The following PDXK variants were observed in gnomAD, a reference collection of about 807,000 sequenced individuals.
The protein encoded by PDXK is pyridoxal kinase.
A neutral mutation model predicts 43.2 loss-of-function variants in PDXK; 15 were observed. The observed-to-expected ratio is 0.35, with a 90% confidence interval of 0.23 to 0.53. PDXK has a LOEUF of 0.53. PDXK is among the 20% of genes least tolerant of loss of function. PDXK has a pLI of 0.92. For synonymous variants in PDXK, 172 were observed against 165.4 expected, an observed-to-expected ratio of 1.04 and a Z score of -0.31; for missense variants, 343 against 417.0, an observed-to-expected ratio of 0.82 and a Z score of 1.54.
At chr21:43,743,499 G>A (rs1186468954) in intron 3 of PDXK, among the ~76,000 whole-genome samples, 1 of 64,996 alleles carries the variant, frequency 1.5e-5, no homozygotes, top group Non-Finnish European at 2.9e-5. Flanking sequence ...CACCTCACTT[G>A]CACCCACCTC....
At chr21:43,751,154 TG>T in intron 7 of PDXK, among the ~76,000 whole-genome samples, 1 of 152,220 alleles carries the variant, frequency 6.6e-6, no homozygotes, top group Non-Finnish European at 1.5e-5. Flanking sequence ...CTCCGGGACT[TG>T]GAGACCGTGC....
At chr21:43,733,523 A>G (rs748503552) in intron 1 of PDXK, 2 of 331,026 alleles carry the variant, frequency 6.0e-6, no homozygotes, top group African/African-American at 2.3e-5. Flanking sequence ...TCTGTCTGGA[A>G]CCCTCACCCT....
Position 43,737,013 on chromosome 21 carries a change from G to A in PDXK, c.142+2890G>A. 1 of 707,208 alleles carries A rather than the reference G, an allele frequency of 1.4e-6. No homozygotes were observed. Among genetic ancestry groups the A allele is most frequent in the South Asian group, 1.5e-5 (1 of 67,686 alleles). 43.8% of individuals were successfully genotyped at this position (707,208 alleles called of 1,614,324 possible). A position where few individuals can be genotyped will look rare whatever the true frequency, so the allele number is the denominator to read the frequency against. ...GAAGTGGCGCAACCAGCTCACTGCA[G>A]CCTTGACCTCCTGGGCTGAAGCAAT... is the stretch of plus-strand genomic sequence containing the variant. On this transcript the variant is annotated intron_variant, in intron 2 of 10. Coordinates refer to ENST00000291565, the MANE Select transcript of PDXK (RefSeq NM_003681.5). This position sits in a 1 kb window ranked among gnomAD's most constrained non-coding sequence, Gnocchi z 4.8.
In PDXK at chr21:43,719,209, C is replaced by G. The variant is rs1230292104; in HGVS notation, c.-86C>G. Reference sequence around the variant, plus strand: ...CAGCCGAGGGGAGCCGGGGCCGGAGCCCGAGCCCGAGCCGAGCCGGAGCCC... The same window carrying G: ...CAGCCGAGGGGAGCCGGGGCCGGAGGCCGAGCCCGAGCCGAGCCGGAGCCC... On this transcript the variant is annotated 5_prime_UTR_variant, in exon 1 of 11. Coordinates refer to ENST00000291565, the MANE Select transcript of PDXK (RefSeq NM_003681.5). 7.2e-6 allele frequency: 5 copies of G among 693,364 alleles called. No individual in the cohort carries two copies. Among genetic ancestry groups the G allele is most frequent in the Non-Finnish European group, 1.0e-5 (5 of 501,048 alleles). 43.0% of individuals were successfully genotyped at this position (693,364 alleles called of 1,614,324 possible). A position where few individuals can be genotyped will look rare whatever the true frequency, so the allele number is the denominator to read the frequency against.
chr21:43,742,432 C>G (rs560863984), intron 3 of PDXK, among the ~76,000 whole-genome samples: 1 of 152,204 alleles, frequency 6.6e-6, no homozygotes, highest in Admixed American at 6.5e-5. Flanking sequence ...GCCACCCACC[C>G]TAGCCTCCCA....
intron 1 of PDXK, among the ~76,000 whole-genome samples, chr21:43,727,766 C>T (rs886587063): frequency 4.6e-5 from 7 of 152,122 alleles, no homozygotes; most frequent in African/African-American, 7.2e-5. Context: ...GAGGGTGCAG[C>T]GGGTGTGAGG....
rs1366405780 is a variant in PDXK at position 43,737,367 on chromosome 21, C to T, written c.142+3244C>T. ...TTCCTTGAGGCCGTACCACAAGGTG[C>T]GTTCATTTTTCCACACCGTGAGCTG... On this transcript the variant is annotated intron_variant, in intron 2 of 10. Coordinates refer to ENST00000291565, the MANE Select transcript of PDXK (RefSeq NM_003681.5). This position sits in a 1 kb window ranked among gnomAD's most constrained non-coding sequence, Gnocchi z 4.8. 1.9e-5 allele frequency: 23 copies of T among 1,242,230 alleles called. No individual in the cohort carries two copies. The highest frequency in any genetic ancestry group is 2.2e-5 in the Non-Finnish European group (22 of 986,302). 77.0% of individuals were successfully genotyped at this position (1,242,230 alleles called of 1,614,324 possible).
intron 1 of PDXK, among the ~76,000 whole-genome samples, chr21:43,720,283 G>C (rs1311094330): frequency 1.3e-5 from 2 of 152,208 alleles, no homozygotes; most frequent in African/African-American, 2.4e-5. Flanking sequence ...CCCACCTGCG[G>C]CCTGGTCACT....
intron 1 of PDXK, among the ~76,000 whole-genome samples, chr21:43,726,217 T>C (rs1302346255): frequency 1.3e-5 from 2 of 152,088 alleles, no homozygotes; most frequent in Non-Finnish European, 2.9e-5. Flanking sequence ...CTTGTTTGGC[T>C]GTCATGGAGA....
In PDXK at chr21:43,750,751, A is replaced by G. The variant is rs911518075; in HGVS notation, c.510+206A>G. 1.2e-4 allele frequency among the ~76,000 whole-genome samples: 16 copies of G among 134,492 alleles called. No individual in the cohort carries two copies. In the South Asian group the frequency reaches 2.6e-3, roughly 22 times the overall value. The allele number at this position is 134,492 out of a possible 152,430, so 88.2% of individuals were successfully genotyped here. ...TTTGTGCATGTGTGTGTGTGTGTGC[A>G]TGTGTGCGTGTGTGCGCGCGTATTG... On this transcript the variant is annotated intron_variant, in intron 7 of 10. Coordinates refer to ENST00000291565, the MANE Select transcript of PDXK (RefSeq NM_003681.5).
intron 1 of PDXK, 67 bp downstream of exon 1, chr21:43,719,448 A>G: frequency 7.0e-7 from 1 of 1,438,318 alleles, no homozygotes; most frequent in Admixed American, 2.1e-5. Context: ...GCTGCCCGAG[A>G]CGAGCCTCAG....
chr21:43,741,872 G>A (rs2083539758), intron 3 of PDXK, 101 bp downstream of exon 3: 1 of 762,270 alleles, frequency 1.3e-6, no homozygotes, highest in East Asian at 2.6e-5. Flanking sequence ...CCTGTCTCGG[G>A]TCCCTGCCCC....
rs1228791308 is a variant in PDXK, at chr21:43,757,976, TTTTC to T, written c.*1917_*1920del. ...CCACATTGCCAGCCACCAGGAAAGCTTTTCTTTTTCTTTTTTTTTTTTTTTTAAA... is the reference window on the plus strand; with the variant it reads ...CCACATTGCCAGCCACCAGGAAAGCTTTTTTCTTTTTTTTTTTTTTTTAAA... On this transcript the variant is annotated 3_prime_UTR_variant, in exon 11 of 11. Coordinates refer to ENST00000291565, the MANE Select transcript of PDXK (RefSeq NM_003681.5). The T allele has an allele frequency of 2.7e-5, 4 of 149,690 alleles. No homozygotes were observed. In the East Asian group the frequency reaches 8.0e-4, roughly 30 times the overall value. 9.3% of individuals were successfully genotyped at this position (149,690 alleles called of 1,614,324 possible). A position where few individuals can be genotyped will look rare whatever the true frequency, so the allele number is the denominator to read the frequency against.
At chr21:43,752,672 C>A in intron 8 of PDXK, 43 bp downstream of exon 8, 1 of 1,190,482 alleles carries the variant, frequency 8.4e-7, no homozygotes, top group South Asian at 1.2e-5. Flanking sequence ...CTGCTCTTCC[C>A]AGAGGAAGGT....
chr21:43,719,789 C>A (rs1406565571), intron 1 of PDXK: 1 of 985,366 alleles, frequency 1.0e-6, no homozygotes, highest in East Asian at 1.1e-4. Context: ...GAGCCGGGAC[C>A]TTGCCCCGCT....
chr21:43,759,925 T>TGGCTGTGGGAGGCC lies in PDXK; in HGVS notation c.*3863_*3876dup. On this transcript the variant is annotated 3_prime_UTR_variant, in exon 11 of 11. Coordinates refer to ENST00000291565, the MANE Select transcript of PDXK (RefSeq NM_003681.5). The stretch of plus-strand genomic sequence containing the variant: ...GAAGGACCCCAGGCCCTGGGGAGGG[T>TGGCTGTGGGAGGCC]GGCTGTGGGAGGCCAAGTCCACTGC... 1 of 151,850 alleles carries TGGCTGTGGGAGGCC rather than the reference T, an allele frequency of 6.6e-6. No individual in the cohort carries two copies. Among genetic ancestry groups the TGGCTGTGGGAGGCC allele is most frequent in the South Asian group, 2.1e-4 (1 of 4,768 alleles). 9.4% of individuals were successfully genotyped at this position (151,850 alleles called of 1,614,324 possible).
In PDXK at chr21:43,753,291, T is replaced by C. The variant is rs557328938; in HGVS notation, c.623-292T>C. 3.6e-3 allele frequency among the ~76,000 whole-genome samples: 543 copies of C among 152,304 alleles called. 3 individuals are homozygous for C. The highest frequency in any genetic ancestry group is 5.7e-3 in the Non-Finnish European group (388 of 68,016). Reference sequence around the variant, plus strand: ...GCACACACATGCACACACACTCGGATGCGTCCAGGTACATCCTAGTTCTTC... The same window carrying C: ...GCACACACATGCACACACACTCGGACGCGTCCAGGTACATCCTAGTTCTTC... On this transcript the variant is annotated intron_variant, in intron 8 of 10. Transcript: ENST00000291565.
At chr21:43,755,661 G>A (rs745554060) in intron 9 of PDXK, 37 bp from the exon 10 acceptor site, 3 of 1,559,454 alleles carry the variant, frequency 1.9e-6, no homozygotes, top group East Asian at 2.2e-5. Flanking sequence ...GGTGTTGTGA[G>A]TGGGCCAGGG....
intron 7 of PDXK, among the ~76,000 whole-genome samples, chr21:43,751,119 G>T (rs2083743759): frequency 6.6e-6 from 1 of 152,242 alleles, no homozygotes; most frequent in African/African-American, 2.4e-5. Context: ...GCAGCCCAAG[G>T]TGCAGTTTCT....
Sources: gnomAD v4.1 joint callset for allele counts (sites outside exome capture counted in the v4.1 genomes callset) on GRCh38, gnomAD v4.1.1 for gene constraint, Gnocchi (gnomAD v3.1) non-coding constraint, MANE v1.5 for transcripts, NCBI Gene and HGNC (gene_info 2026-07-23, HGNC 2026-07-21) for gene names.